Variants in CAMKK1 observed in about 807,000 individuals in gnomAD.
CAMKK1 encodes the protein calcium/calmodulin-dependent protein kinase kinase 1.
In CAMKK1, 20 loss-of-function variants were observed where a neutral mutation model predicts 63.5. The ratio of observed to expected loss-of-function variants is 0.32; its 90% CI spans 0.22 to 0.46. The LOEUF (loss-of-function observed/expected upper bound fraction) is 0.46. Ranked by LOEUF, CAMKK1 falls within the 20% of genes least tolerant of loss-of-function variation. CAMKK1 has a pLI of 1.00. For missense variants in CAMKK1, 588 were observed against 658.1 expected, an observed-to-expected ratio of 0.89 and a Z score of 1.17; for synonymous variants, 253 against 269.0, an observed-to-expected ratio of 0.94 and a Z score of 0.58.
chr17:3,884,446 C>T lies in CAMKK1; in HGVS notation c.361-19G>A. 1.2e-6 allele frequency: 2 copies of T among 1,611,842 alleles called. No homozygotes were observed. The highest frequency in any genetic ancestry group is 8.5e-7 in the Non-Finnish European group (1 of 1,178,910). ...CGCAGTCCTGTGGGGGAAGAGCGAG[C>T]ACCAGGTGGAGCTGGGTCCGGAGGC... On this transcript the variant is annotated intron_variant, in intron 2 of 15. Transcript: ENST00000348335. This position sits in a 1 kb window ranked among gnomAD's most constrained non-coding sequence, Gnocchi z 4.5.
intron 10 of CAMKK1, among the ~76,000 whole-genome samples, chr17:3,875,652 G>A (rs936622731): frequency 1.3e-5 from 2 of 152,130 alleles, no homozygotes; most frequent in Admixed American, 1.3e-4. Context: ...TGGCAGTGGG[G>A]TGGCTGGCAC....
Position 3,882,686 on chromosome 17 carries a change from A to G in CAMKK1, c.649-122T>C. On this transcript the variant is annotated intron_variant, in intron 6 of 15. Coordinates refer to ENST00000348335, the MANE Select transcript of CAMKK1 (RefSeq NM_032294.3). The surrounding 1 kb of genome is among the most constrained non-coding windows in gnomAD (Gnocchi z 4.3). Reference sequence around the variant, plus strand: ...ATGCATGCAACCACCCCAGACAAGGAAGCAGGAAGTGTACAGGTGGTGCCA... The same window carrying G: ...ATGCATGCAACCACCCCAGACAAGGGAGCAGGAAGTGTACAGGTGGTGCCA... 1.0e-6 allele frequency: 1 copy of G among 959,002 alleles called. No individual in the cohort carries two copies. Among genetic ancestry groups the G allele is most frequent in the South Asian group, 1.5e-5 (1 of 68,094 alleles). The allele number at this position is 959,002 out of a possible 1,614,324, so 59.4% of individuals were successfully genotyped here. A position where few individuals can be genotyped will look rare whatever the true frequency, so the allele number is the denominator to read the frequency against.
Position 3,887,752 on chromosome 17 carries a change from T to G in CAMKK1, c.-43-2022A>C, listed in dbSNP as rs770603888. On this transcript the variant is annotated intron_variant, in intron 1 of 15. Transcript: ENST00000348335. This position sits in a 1 kb window ranked among gnomAD's most constrained non-coding sequence, Gnocchi z 6.1. Reference sequence around the variant, plus strand: ...TGGAGGAGGTGAGAGGGACAGTGAGTGGGGCTGGAGCTTCGGGGAGAGCTT... The same window carrying G: ...TGGAGGAGGTGAGAGGGACAGTGAGGGGGGCTGGAGCTTCGGGGAGAGCTT... Among the ~76,000 whole-genome samples, 1 of 151,750 alleles carries G rather than the reference T, an allele frequency of 6.6e-6. No homozygotes were observed. Among genetic ancestry groups the G allele is most frequent in the East Asian group, 1.9e-4 (1 of 5,130 alleles).
intron 11 of CAMKK1, 89 bp downstream of exon 11, chr17:3,873,320 C>T (rs2054979696): frequency 2.4e-6 from 3 of 1,231,280 alleles, no homozygotes; most frequent in African/African-American, 1.5e-5. Context: ...TCAAAAGCCA[C>T]TTAAGGACAA....
intron 12 of CAMKK1, among the ~76,000 whole-genome samples, chr17:3,871,333 G>GTTTTTTTTTTTTTGTTTTTTGTTTTTTT (rs2054841766): frequency 2.7e-5 from 3 of 111,006 alleles, no homozygotes; most frequent in Non-Finnish European, 3.7e-5. Flanking sequence ...GTTGTTTTTT[G>GTTTTTTTTTTTTTGTTTTTTGTTTTTTT]TTTTTTTTTT....
chr17:3,883,163 G>A lies in CAMKK1; in HGVS notation c.527C>T (p.Pro176Leu), dbSNP rs746479390. ...KQYGFPRRPP[P>L]RGSQAAQGGP... is the part of the protein sequence containing the mutation. ...TCCCTGGGCAGCCTGGGACCCTCTC[G>A]GGGGAGGGCGACCTGTGACCAGGAA... is the stretch of plus-strand genomic sequence containing the variant. The change falls in exon 6 of 16, where the codon CCG becomes CTG. Residue 176 changes from proline (P) to leucine (L), a missense_variant. Pro to Leu is a moderately conservative substitution (Grantham distance 98). Coordinates refer to ENST00000348335, the MANE Select transcript of CAMKK1 (RefSeq NM_032294.3). The surrounding 1 kb of genome is among the most constrained non-coding windows in gnomAD (Gnocchi z 4.7). 27 of 1,610,378 alleles carry A rather than the reference G, an allele frequency of 1.7e-5. No individual in the cohort carries two copies. Among genetic ancestry groups the A allele is most frequent in the Admixed American group, 1.3e-4 (8 of 59,972 alleles).
Position 3,883,426 on chromosome 17 carries a change from T to C in CAMKK1, c.514+3A>G. 1 of 1,613,044 alleles carries C rather than the reference T, an allele frequency of 6.2e-7. No individual in the cohort carries two copies. The highest frequency in any genetic ancestry group is 8.5e-7 in the Non-Finnish European group (1 of 1,179,042). On this transcript the variant is annotated splice_donor_region_variant and intron_variant, in intron 5 of 15. Coordinates refer to ENST00000348335, the MANE Select transcript of CAMKK1 (RefSeq NM_032294.3). This position sits in a 1 kb window ranked among gnomAD's most constrained non-coding sequence, Gnocchi z 4.7. ...CCCAGGGACAGGATCAGAAGATACATACGTGGAAAGCCATACTGCTTCAGT... is the reference window on the plus strand; with the variant it reads ...CCCAGGGACAGGATCAGAAGATACACACGTGGAAAGCCATACTGCTTCAGT...
chr17:3,873,433 C>T lies in CAMKK1; in HGVS notation c.1026G>A (p.Thr342=), dbSNP rs149710077. 38 of 1,614,034 alleles carry T rather than the reference C, an allele frequency of 2.4e-5. No homozygotes were observed. Among genetic ancestry groups the T allele is most frequent in the African/African-American group, 5.3e-5 (4 of 74,916 alleles). The change falls in exon 11 of 16, where the codon ACG becomes ACA. Residue 342 remains threonine, a synonymous_variant. Transcript: ENST00000348335. ...CCTTCCCATAGACAAAGCAGTACAA[C>T]GTGACGCCAGTGGCCCATACATCCA... ...KALDVWATGV[T]LYCFVYGKCP...
At position 3,862,125 on chromosome 17, in the gene CAMKK1, TGC is replaced by T; in HGVS notation, c.*84_*85del. 1 of 1,135,490 alleles carries T rather than the reference TGC, an allele frequency of 8.8e-7. No homozygotes were observed. The highest frequency in any genetic ancestry group is 1.3e-6 in the Non-Finnish European group (1 of 783,402). 70.3% of individuals were successfully genotyped at this position (1,135,490 alleles called of 1,614,324 possible). On this transcript the variant is annotated 3_prime_UTR_variant, in exon 16 of 16. Coordinates refer to ENST00000348335, the MANE Select transcript of CAMKK1 (RefSeq NM_032294.3). The surrounding 1 kb of genome is among the most constrained non-coding windows in gnomAD (Gnocchi z 4.1). ...GGGCTGCAGTCCCCAGCCCCCTGCC[TGC>T]GGGGGCGGCTGTTGCATGAGGGGTG...
chr17:3,871,088 C>T (rs1421310539), intron 12 of CAMKK1, among the ~76,000 whole-genome samples: 1 of 152,164 alleles, frequency 6.6e-6, no homozygotes, highest in Admixed American at 6.5e-5. Flanking sequence ...CTGTCCCCGC[C>T]TGAATGTGTT....
At position 3,890,643 on chromosome 17, in the gene CAMKK1, CTCG is replaced by C. The variant is rs920723992; in HGVS notation, c.-44+2293_-44+2295del. The C allele has an allele frequency of 1.3e-6, 1 of 779,560 alleles. No homozygotes were observed. Among genetic ancestry groups the C allele is most frequent in the African/African-American group, 1.7e-5 (1 of 59,118 alleles). 48.3% of individuals were successfully genotyped at this position (779,560 alleles called of 1,614,324 possible). On this transcript the variant is annotated intron_variant, in intron 1 of 15. Coordinates refer to ENST00000348335, the MANE Select transcript of CAMKK1 (RefSeq NM_032294.3). The surrounding 1 kb of genome is among the most constrained non-coding windows in gnomAD (Gnocchi z 6.5). ...AGCAATCCGGGAGCCCTCCTTGTCA[CTCG>C]TCCTTTCCCTGTTGCCCACCCTTGC...
chr17:3,867,932 C>T (rs1413909569), intron 14 of CAMKK1, among the ~76,000 whole-genome samples: 1 of 151,298 alleles, frequency 6.6e-6, no homozygotes, highest in Non-Finnish European at 1.5e-5. Context: ...TGAGCGGGCA[C>T]TAGGGGAGAC....
intron 8 of CAMKK1, among the ~76,000 whole-genome samples, 197 bp downstream of exon 8, chr17:3,881,430 C>T (rs2055407416): frequency 6.6e-6 from 1 of 152,164 alleles, no homozygotes; most frequent in South Asian, 2.1e-4. Context: ...CCAGAGGTCT[C>T]CCTGACTATT....
chr17:3,880,243 A>T (rs950409710), intron 9 of CAMKK1, 103 bp downstream of exon 9: 1 of 972,876 alleles, frequency 1.0e-6, no homozygotes, highest in African/African-American at 1.6e-5. Context: ...TTGGCAGGTC[A>T]GCTCTGACTG....
chr17:3,867,759 C>T (rs893860394), intron 14 of CAMKK1, among the ~76,000 whole-genome samples: 8 of 152,110 alleles, frequency 5.3e-5, no homozygotes, highest in African/African-American at 1.9e-4. Context: ...CGGCAGTGGC[C>T]CTGGCTCTCC....
At position 3,883,102 on chromosome 17, in the gene CAMKK1, C is replaced by T. The variant is rs759042743; in HGVS notation, c.588G>A (p.Val196=). ...TCTTCAGGATGGCAATCTCCTGGTACACCCGCTCCAGGGGCAGCAGCTGCT... is the reference window on the plus strand; with the variant it reads ...TCTTCAGGATGGCAATCTCCTGGTATACCCGCTCCAGGGGCAGCAGCTGCT... ...PAKQLLPLER[V]YQEIAILKKL... is the part of the protein sequence containing the mutation. The change falls in exon 6 of 16, where the codon GTG becomes GTA. Residue 196 remains valine, a synonymous_variant. Transcript: ENST00000348335. The surrounding 1 kb of genome is among the most constrained non-coding windows in gnomAD (Gnocchi z 4.7). 5 of 1,613,700 alleles carry T rather than the reference C, an allele frequency of 3.1e-6. No homozygotes were observed. The highest frequency in any genetic ancestry group is 1.6e-4 in the Middle Eastern group (1 of 6,080).
Position 3,890,822 on chromosome 17 carries a change from A to G in CAMKK1, c.-44+2117T>C. ...CTGCTGCCTGGAGGACAGCTCAGAC[A>G]TCGCCTCTTCTGAGCCCTCCTTGAT... On this transcript the variant is annotated intron_variant, in intron 1 of 15. Transcript: ENST00000348335. The surrounding 1 kb of genome is among the most constrained non-coding windows in gnomAD (Gnocchi z 6.5). The G allele has an allele frequency of 2.6e-6, 2 of 777,836 alleles. No individual in the cohort carries two copies. The highest frequency in any genetic ancestry group is 4.5e-4 in the Middle Eastern group (2 of 4,442). 48.2% of individuals were successfully genotyped at this position (777,836 alleles called of 1,614,324 possible). A position where few individuals can be genotyped will look rare whatever the true frequency, so the allele number is the denominator to read the frequency against.
In CAMKK1 at chr17:3,876,416, C is replaced by T; in HGVS notation, c.803G>A (p.Cys268Tyr). Reference sequence around the variant, plus strand: ...GATGTCCCTGTGGACGATCTTCTGGCAGTGCACTGCAGAGAAGGGGAGCTT... The same window carrying T: ...GATGTCCCTGTGGACGATCTTCTGGTAGTGCACTGCAGAGAAGGGGAGCTT... ...DVILGLEYLH[C>Y]QKIVHRDIKP... The change falls in exon 10 of 16, where the codon TGC becomes TAC. Residue 268 changes from cysteine (C) to tyrosine (Y), a missense_variant. Physicochemically the swap from Cys to Tyr is radical, Grantham distance 194 (BLOSUM62 -2). Transcript: ENST00000348335. 3 of 1,613,962 alleles carry T rather than the reference C, an allele frequency of 1.9e-6. No homozygotes were observed. The highest frequency in any genetic ancestry group is 4.5e-5 in the East Asian group (2 of 44,880).
At chr17:3,876,744 GT>G (rs1180032343) in intron 9 of CAMKK1, among the ~76,000 whole-genome samples, 34 of 127,672 alleles carry the variant, frequency 2.7e-4, no homozygotes, top group East Asian at 7.3e-4. Flanking sequence ...AGTTGTTGCT[GT>G]TTTTTTTTTT....
Sources: gnomAD v4.1 joint callset for allele counts (sites outside exome capture counted in the v4.1 genomes callset) on GRCh38, gnomAD v4.1.1 for gene constraint, Gnocchi (gnomAD v3.1) non-coding constraint, MANE v1.5 for transcripts, NCBI Gene and HGNC (gene_info 2026-07-23, HGNC 2026-07-21) for gene names.